OCIAD1: variants seen among roughly 807,000 people sequenced by gnomAD.
The protein encoded by OCIAD1 is OCIA domain-containing protein 1.
Under a neutral mutation model 38.9 loss-of-function variants are expected in OCIAD1, and 29 were observed. The observed-to-expected ratio is 0.74, with a 90% CI of 0.55 to 1.02. OCIAD1 has a LOEUF of 1.02. Ranked by LOEUF, OCIAD1 falls within the 50% of genes least tolerant of loss-of-function variation. The probability of loss-of-function intolerance (pLI) is 0.00; values close to 1 mark genes in which losing one functional copy is unlikely to be tolerated. For synonymous variants in OCIAD1, 110 were observed against 92.0 expected, an observed-to-expected ratio of 1.20 and a Z score of -1.12; for missense variants, 288 against 289.6, an observed-to-expected ratio of 0.99 and a Z score of 0.04.
At chr4:48,832,468 A>C (rs1777593412) in intron 1 of OCIAD1, among the ~76,000 whole-genome samples, 152 bp from the exon 2 acceptor site, 1 of 152,200 alleles carries the variant, frequency 6.6e-6, no homozygotes, top group Admixed American at 6.5e-5. Flanking sequence ...AGCTATTTAC[A>C]TGTGGAGTAC....
intron 1 of OCIAD1, among the ~76,000 whole-genome samples, chr4:48,821,984 G>C (rs550226110): frequency 1.3e-5 from 2 of 152,292 alleles, no homozygotes; most frequent in South Asian, 4.1e-4. Flanking sequence ...GTAATTTATA[G>C]ATTCAATGCT....
At chr4:48,858,956 T>C (rs1213712920) in intron 8 of OCIAD1, among the ~76,000 whole-genome samples, 3 of 152,232 alleles carry the variant, frequency 2.0e-5, no homozygotes, top group African/African-American at 7.2e-5. Context: ...TATAGGGTTT[T>C]ATGATTTTCT....
intron 1 of OCIAD1, among the ~76,000 whole-genome samples, chr4:48,814,363 A>G (rs1777123008): frequency 1.3e-5 from 2 of 148,410 alleles, no homozygotes; most frequent in South Asian, 4.3e-4. Flanking sequence ...TAGTGAAATT[A>G]TAAAGTCACC....
At chr4:48,856,955 T>C (rs1335869253) in intron 7 of OCIAD1, 1 of 211,666 alleles carries the variant, frequency 4.7e-6, no homozygotes, top group Non-Finnish European at 9.5e-6. Flanking sequence ...ATTTTTCTTC[T>C]GGCTGTGGTT....
intron 1 of OCIAD1, among the ~76,000 whole-genome samples, chr4:48,819,472 A>G (rs1048199218): frequency 6.6e-6 from 1 of 152,138 alleles, no homozygotes; most frequent in Admixed American, 6.6e-5. Context: ...CAATGACACT[A>G]TGAAGAAACT....
chr4:48,817,965 G>T (rs1368300326), intron 1 of OCIAD1, among the ~76,000 whole-genome samples: 1 of 152,220 alleles, frequency 6.6e-6, no homozygotes, highest in Non-Finnish European at 1.5e-5. Flanking sequence ...GGAAGGGGTG[G>T]TTGTGGGCGC....
chr4:48,826,200 C>T (rs887935805), upstream of OCIAD1, among the ~76,000 whole-genome samples: 9 of 151,904 alleles, frequency 5.9e-5, no homozygotes, highest in Admixed American at 1.3e-4. Context: ...ATGTGAACAA[C>T]GTGCAGGTTT....
At chr4:48,810,948 T>C (rs1777084026) in intron 1 of OCIAD1, among the ~76,000 whole-genome samples, 2 of 147,818 alleles carry the variant, frequency 1.4e-5, no homozygotes, top group African/African-American at 5.0e-5. Context: ...CAGGCTGGAA[T>C]GCAGTGGCAT....
chr4:48,844,432 G>A (rs1228122528), intron 4 of OCIAD1, among the ~76,000 whole-genome samples: 1 of 152,022 alleles, frequency 6.6e-6, no homozygotes, highest in African/African-American at 2.4e-5. Flanking sequence ...TGGCCAACAT[G>A]ATAAAACCCC....
chr4:48,834,630 G>A (rs1261759149), intron 3 of OCIAD1, among the ~76,000 whole-genome samples: 1 of 152,192 alleles, frequency 6.6e-6, no homozygotes, highest in African/African-American at 2.4e-5. Flanking sequence ...AATTAGCTGG[G>A]TGTGGTGATA....
chr4:48,823,052 A>AGG (rs1349448389), intron 1 of OCIAD1, among the ~76,000 whole-genome samples: 1 of 152,206 alleles, frequency 6.6e-6, no homozygotes, highest in African/African-American at 2.4e-5. Flanking sequence ...ATAAACCCAA[A>AGG]GGATTATAAA....
At chr4:48,851,662 C>G (rs1779480200) in intron 6 of OCIAD1, 144 bp from the exon 7 acceptor site, 1 of 442,912 alleles carries the variant, frequency 2.3e-6, no homozygotes, top group African/African-American at 2.0e-5. Flanking sequence ...GGTGACAGAG[C>G]AAGACCCTGT....
intron 1 of OCIAD1, among the ~76,000 whole-genome samples, chr4:48,806,581 TCA>T (rs1458864643): frequency 6.6e-6 from 1 of 152,190 alleles, no homozygotes; most frequent in Admixed American, 6.6e-5. Flanking sequence ...CACAGAATTA[TCA>T]CTGCCCTTGC....
chr4:48,817,801 G>A (rs1050628661), intron 1 of OCIAD1, among the ~76,000 whole-genome samples: 2 of 152,176 alleles, frequency 1.3e-5, no homozygotes, highest in African/African-American at 4.8e-5. Context: ...CATTGCTCAG[G>A]AGGCTGGGTG....
At chr4:48,852,122 T>C (rs2572345) in intron 7 of OCIAD1, 147 bp downstream of exon 7, 273,762 of 592,048 alleles carry the variant, frequency 0.46, 66,756 homozygotes, top group Admixed American at 0.61. Flanking sequence ...CATTTGTTTC[T>C]TCATTCATTC....
intron 1 of OCIAD1, among the ~76,000 whole-genome samples, chr4:48,824,952 T>C (rs1777233967): frequency 6.6e-6 from 1 of 152,100 alleles, no homozygotes; most frequent in Admixed American, 6.6e-5. Flanking sequence ...CCCAGGTGGG[T>C]CTGGAACTCC....
At chr4:48,852,235 G>A (rs1486020501) in intron 7 of OCIAD1, 1 of 335,544 alleles carries the variant, frequency 3.0e-6, no homozygotes, top group African/African-American at 2.1e-5. Context: ...TCTGTTAGAA[G>A]ATATAGAAAT....
At position 48,858,557 on chromosome 4, in the gene OCIAD1, A is replaced by C. The variant is rs533586012; in HGVS notation, c.700+1192A>C. Reference sequence around the variant, plus strand: ...CAGTCTTGACCTCCTGGGTTCAAGCAGTCCTCCTACCTCAGCTTCCTGAGT... The same window carrying C: ...CAGTCTTGACCTCCTGGGTTCAAGCCGTCCTCCTACCTCAGCTTCCTGAGT... On this transcript the variant is annotated intron_variant, in intron 8 of 8. Coordinates refer to ENST00000264312, the MANE Select transcript of OCIAD1 (RefSeq NM_017830.4). Among the ~76,000 whole-genome samples, 4 of 152,270 alleles carry C rather than the reference A, an allele frequency of 2.6e-5. No individual in the cohort carries two copies. In the South Asian group the frequency reaches 8.3e-4, roughly 32 times the overall value.
Position 48,851,938 on chromosome 4 carries a change from A to G in OCIAD1, c.510A>G (p.Glu170=). Reference sequence around the variant, plus strand: ...TTCCATTCAGTTCTTCTATGAATGAATCTGCTCCCACTGGTATTACTGATC... The same window carrying G: ...TTCCATTCAGTTCTTCTATGAATGAGTCTGCTCCCACTGGTATTACTGATC... ...EPIPFSSSMN[E]SAPTGITDHI... The change falls in exon 7 of 9, where the codon GAA becomes GAG. Residue 170 remains glutamate (E), a synonymous_variant. Coordinates refer to ENST00000264312, the MANE Select transcript of OCIAD1 (RefSeq NM_017830.4). 1 of 1,609,964 alleles carries G rather than the reference A, an allele frequency of 6.2e-7. No homozygotes were observed. Among genetic ancestry groups the G allele is most frequent in the East Asian group, 2.2e-5 (1 of 44,774 alleles).
Sources: gnomAD v4.1 joint callset for allele counts (sites outside exome capture counted in the v4.1 genomes callset) on GRCh38, gnomAD v4.1.1 for gene constraint, MANE v1.5 for transcripts, NCBI Gene and HGNC (gene_info 2026-07-23, HGNC 2026-07-21) for gene names.